The following GAB2 variants were observed in gnomAD, a reference collection of about 807,000 sequenced individuals.
GAB2 encodes GRB2-associated-binding protein 2.
GAB2 carries 26 observed loss-of-function variants against 65.5 expected under a neutral mutation model. The ratio of observed to expected loss-of-function variants is 0.40; its 90% CI spans 0.29 to 0.55. GAB2 has a LOEUF of 0.55. Among genes scored for constraint, GAB2 ranks in the 20% least tolerant of loss-of-function variants. The pLI is 0.53. For missense variants in GAB2, 884 were observed against 875.8 expected (o/e 1.01, Z -0.12); for synonymous variants, 321 against 329.6 (o/e 0.97, Z 0.28).
chr11:78,344,719 T>TA (rs1185905393), intron 1 of GAB2, among the ~76,000 whole-genome samples: 1 of 152,248 alleles, frequency 6.6e-6, no homozygotes, highest in East Asian at 1.9e-4. Flanking sequence ...AAAAAAAAAT[T>TA]AATTCCTTCA....
intron 3 of GAB2, among the ~76,000 whole-genome samples, chr11:78,238,508 A>C (rs1229045734): frequency 6.6e-6 from 1 of 151,398 alleles, no homozygotes; most frequent in Non-Finnish European, 1.5e-5. Context: ...AGTCGAAGAA[A>C]TATTGGTAGA....
chr11:78,236,156 A>T (rs879503415), intron 3 of GAB2, among the ~76,000 whole-genome samples: 1 of 152,162 alleles, frequency 6.6e-6, no homozygotes, highest in Non-Finnish European at 1.5e-5. Context: ...GAGGTGTTGC[A>T]TGTTTGTTGT....
intron 3 of GAB2, among the ~76,000 whole-genome samples, chr11:78,232,612 T>G (rs1864875985): frequency 1.3e-5 from 2 of 152,252 alleles, no homozygotes; most frequent in Non-Finnish European, 2.9e-5. Flanking sequence ...TTAGCAAGAA[T>G]ACATATTATC....
At chr11:78,403,998 T>C (rs1052953024) in intron 1 of GAB2, among the ~76,000 whole-genome samples, 5 of 151,992 alleles carry the variant, frequency 3.3e-5, no homozygotes, top group African/African-American at 1.2e-4. Flanking sequence ...CCCTCACACA[T>C]TGTTGGTAGG....
chr11:78,318,374 A>AAAAAAAAAAAAAAAAAAAAAAAAAAAAAG (rs1855656402), intron 1 of GAB2, among the ~76,000 whole-genome samples: 1 of 145,240 alleles, frequency 6.9e-6, no homozygotes, highest in Non-Finnish European at 1.5e-5. Flanking sequence ...AATGCCAAAA[A>AAAAAAAAAAAAAAAAAAAAAAAAAAAAAG]AAAAAAAAAA....
At chr11:78,355,206 C>G (rs1322225118) in intron 1 of GAB2, among the ~76,000 whole-genome samples, 2 of 152,140 alleles carry the variant, frequency 1.3e-5, no homozygotes, top group Admixed American at 6.5e-5. Context: ...TTGAGGGAAA[C>G]CATATTTACA....
chr11:78,290,734 TTTA>T (rs1285338574), intron 1 of GAB2, among the ~76,000 whole-genome samples: 1 of 152,186 alleles, frequency 6.6e-6, no homozygotes, highest in Admixed American at 6.5e-5. Flanking sequence ...AGCGATTTGA[TTTA>T]TTTTTAGTTA....
chr11:78,244,663 TAAAA>T (rs36056237), intron 3 of GAB2, among the ~76,000 whole-genome samples: 1 of 74,772 alleles, frequency 1.3e-5, no homozygotes, highest in Admixed American at 1.6e-4. Context: ...ACATTCATAG[TAAAA>T]AAAAAAAAAA....
At chr11:78,254,723 C>G (rs1865548317) in intron 2 of GAB2, among the ~76,000 whole-genome samples, 1 of 151,558 alleles carries the variant, frequency 6.6e-6, no homozygotes, top group African/African-American at 2.4e-5. Flanking sequence ...TGCTCCAACC[C>G]AAGAGATTGA....
chr11:78,399,949 G>C (rs928730552), intron 1 of GAB2, among the ~76,000 whole-genome samples: 3 of 152,158 alleles, frequency 2.0e-5, no homozygotes, highest in Non-Finnish European at 2.9e-5. Flanking sequence ...GAAATACTGA[G>C]AGGTTTTCTG....
At chr11:78,352,498 C>G (rs757175541) in intron 1 of GAB2, among the ~76,000 whole-genome samples, 2 of 152,222 alleles carry the variant, frequency 1.3e-5, no homozygotes, top group Non-Finnish European at 2.9e-5. Context: ...CCAGACACTC[C>G]TAACACTTTT....
At chr11:78,398,960 T>C (rs189119995) in intron 1 of GAB2, among the ~76,000 whole-genome samples, 1 of 152,316 alleles carries the variant, frequency 6.6e-6, no homozygotes, top group African/African-American at 2.4e-5. Flanking sequence ...TGACTTTCAA[T>C]AAGGATAACA....
At chr11:78,370,932 A>G (rs1402646400) in intron 1 of GAB2, among the ~76,000 whole-genome samples, 1 of 152,178 alleles carries the variant, frequency 6.6e-6, no homozygotes, top group South Asian at 2.1e-4. Context: ...TTTGAACTTG[A>G]AAGTGGTAGG....
chr11:78,274,794 T>A (rs570394855), intron 2 of GAB2, among the ~76,000 whole-genome samples: 1 of 152,170 alleles, frequency 6.6e-6, no homozygotes, highest in African/African-American at 2.4e-5. Context: ...GTGCTTCCAG[T>A]ACAATGCATA....
intron 1 of GAB2, among the ~76,000 whole-genome samples, chr11:78,346,672 T>A (rs1856184670): frequency 1.5e-5 from 1 of 66,304 alleles, no homozygotes; most frequent in Non-Finnish European, 3.0e-5. Context: ...TTACATCCCC[T>A]CCATATATAT....
chr11:78,264,898 G>A (rs1362873124), intron 2 of GAB2, among the ~76,000 whole-genome samples: 1 of 152,096 alleles, frequency 6.6e-6, no homozygotes, highest in African/African-American at 2.4e-5. Context: ...CATGGTAGAC[G>A]TCTCCAAAGG....
rs893082052 is a variant in GAB2, at chr11:78,280,371, A to T, written c.376+230T>A. 1.1e-5 allele frequency: 6 copies of T among 562,828 alleles called. No homozygotes were observed. In the African/African-American group the frequency reaches 1.1e-4, roughly 11 times the overall value. The allele number at this position is 562,828 out of a possible 1,614,324, so 34.9% of individuals were successfully genotyped here. On this transcript the variant is annotated intron_variant, in intron 2 of 9. Transcript: ENST00000361507. ...TTGAGGCACCTAAGGAAACACCACAAATACCTTTAGCTTTATCACAACCCC... is the reference window on the plus strand; with the variant it reads ...TTGAGGCACCTAAGGAAACACCACATATACCTTTAGCTTTATCACAACCCC...
intron 1 of GAB2, among the ~76,000 whole-genome samples, chr11:78,336,478 TTG>T (rs1443662192): frequency 6.3e-5 from 3 of 47,288 alleles, no homozygotes; most frequent in South Asian, 6.7e-4. Context: ...GTAATAGTTG[TTG>T]TTTTTTTTTT....
At chr11:78,221,056 C>G (rs1195983681) in intron 8 of GAB2, among the ~76,000 whole-genome samples, 4 of 152,212 alleles carry the variant, frequency 2.6e-5, no homozygotes, top group Non-Finnish European at 5.9e-5. Context: ...ATGACACGCT[C>G]TAGGATCCTG....
Sources: allele counts gnomAD v4.1 joint callset (sites outside exome capture counted in the v4.1 genomes callset), GRCh38; gene constraint gnomAD v4.1.1; transcripts MANE v1.5; gene names NCBI Gene and HGNC (gene_info 2026-07-23, HGNC 2026-07-21).